Variants in MRC2 observed in about 807,000 individuals in gnomAD.
MRC2 encodes mannose receptor C-type 2.
Under a neutral mutation model 206.2 loss-of-function variants are expected in MRC2, and 84 were observed. The ratio of observed to expected loss-of-function variants is 0.41; its 90% CI spans 0.34 to 0.49. MRC2 has a LOEUF of 0.49. Ranked by LOEUF, MRC2 falls within the 20% of genes least tolerant of loss-of-function variation. MRC2 has a pLI of 0.31. For synonymous variants in MRC2, 798 were observed against 800.0 expected (o/e 1.00, Z 0.04); for missense variants, 1,676 against 2,001.5 (o/e 0.84, Z 3.10).
rs1458672493 is a variant in MRC2, at chr17:62,688,901, G to T, written c.3275G>T (p.Arg1092Leu). The change falls in exon 23 of 30, where the codon CGC becomes CTC. Residue 1092 changes from arginine (R) to leucine (L), a missense_variant. Arg to Leu is a moderately radical substitution (Grantham distance 102). Coordinates refer to ENST00000303375, the MANE Select transcript of MRC2 (RefSeq NM_006039.5). The part of the protein sequence containing the change: ...LHSPSAHFTG[R>L]WDDRSCTEET... ...AGCCCCTCAGCCCACTTCACTGGCC[G>T]CTGGGACGATCGGAGCTGCACGGAG... 1 of 1,613,688 alleles carries T rather than the reference G, an allele frequency of 6.2e-7. No individual in the cohort carries two copies. Among genetic ancestry groups the T allele is most frequent in the Non-Finnish European group, 8.5e-7 (1 of 1,179,998 alleles).
intron 20 of MRC2, 111 bp downstream of exon 20, chr17:62,682,488 TGCC>T: frequency 7.8e-7 from 1 of 1,283,342 alleles, no homozygotes; most frequent in Non-Finnish European, 1.0e-6. Flanking sequence ...CATGGCCTCT[TGCC>T]TGTACCCACC....
chr17:62,627,810 C>G lies in MRC2; in HGVS notation c.8C>G (p.Pro3Arg). The change falls in exon 1 of 30, where the codon CCC (proline) becomes CGC (arginine). Residue 3 changes from proline (P) to arginine (R), a missense_variant. Around this residue, in one of 3 missense-constraint regions of MRC2, gnomAD observed 318 missense variants for 346.7 expected, o/e 0.92. Transcript: ENST00000303375. ...TGAGCGCCGCGCTCGGGGATGGGGC[C>G]CGGCCGGCCGGCCCCCGCGCCCTGG... MG[P>R]GRPAPAPWPR... The G allele has an allele frequency of 6.9e-7, 1 of 1,439,360 alleles. No individual in the cohort carries two copies. The allele number at this position is 1,439,360 out of a possible 1,614,324, so 89.2% of individuals were successfully genotyped here.
At position 62,674,166 on chromosome 17, in the gene MRC2, G is replaced by T. The variant is rs201943939; in HGVS notation, c.1565G>T (p.Arg522Leu). Reference sequence around the variant, plus strand: ...GCCGCCGAGGAGGACCATGGCTGCCGGAAGGTGAGGGTGTTTCTGGAGCTG... The same window carrying T: ...GCCGCCGAGGAGGACCATGGCTGCCTGAAGGTGAGGGTGTTTCTGGAGCTG... Reference protein sequence around the residue: ...QGAAEEDHGCRKGWTWHSPSC... With the variant: ...QGAAEEDHGCLKGWTWHSPSC... Residue 522 changes from arginine to leucine, a missense_variant, in exon 9 of 30, where the codon CGG becomes CTG. By Grantham distance (102) the Arg-to-Leu change is moderately radical (BLOSUM62 -2). Coordinates refer to ENST00000303375, the MANE Select transcript of MRC2 (RefSeq NM_006039.5). The T allele has an allele frequency of 1.3e-6, 2 of 1,546,988 alleles. No homozygotes were observed. Among genetic ancestry groups the T allele is most frequent in the East Asian group, 4.9e-5 (2 of 40,448 alleles).
intron 20 of MRC2, among the ~76,000 whole-genome samples, chr17:62,685,447 A>G (rs937014967): frequency 6.6e-6 from 1 of 152,150 alleles, no homozygotes; most frequent in African/African-American, 2.4e-5. Context: ...CACTTTTTAA[A>G]CAGAATGTAT....
chr17:62,680,988 C>T lies in MRC2; in HGVS notation c.2634+28C>T, dbSNP rs749584143. On this transcript the variant is annotated intron_variant, in intron 17 of 29. Coordinates refer to ENST00000303375, the MANE Select transcript of MRC2 (RefSeq NM_006039.5). The surrounding 1 kb of genome is among the most constrained non-coding windows in gnomAD (Gnocchi z 4.8). ...GGGCATTGGATTGAGCAGGGGGCTG[C>T]AGGCTGGGGGAGGGCAGGCCCGGGA... 6.2e-7 allele frequency: 1 copy of T among 1,611,724 alleles called. No homozygotes were observed. Among genetic ancestry groups the T allele is most frequent in the South Asian group, 1.1e-5 (1 of 90,984 alleles).
chr17:62,673,800 G>A (rs889170838), intron 8 of MRC2, among the ~76,000 whole-genome samples: 15 of 152,054 alleles, frequency 9.9e-5, no homozygotes, highest in Non-Finnish European at 1.6e-4. Context: ...ATGAGCCACC[G>A]CGCCGGGCCA....
intron 1 of MRC2, among the ~76,000 whole-genome samples, chr17:62,631,520 T>C (rs576947705): frequency 1.3e-5 from 2 of 152,168 alleles, no homozygotes; most frequent in Admixed American, 6.5e-5. Flanking sequence ...AGTGTGTGTG[T>C]GTTAGGAAAG....
In MRC2 at chr17:62,674,192, C is replaced by T. The variant is rs1046686496; in HGVS notation, c.1569+22C>T. ...GAAGGTGAGGGTGTTTCTGGAGCTG[C>T]CCTGAGTGGGGCCACCTGTCAGAGG... On this transcript the variant is annotated intron_variant, in intron 9 of 29. Transcript: ENST00000303375. 3.3e-6 allele frequency: 5 copies of T among 1,523,928 alleles called. No individual in the cohort carries two copies. In the Admixed American group the frequency reaches 1.0e-4, roughly 31 times the overall value. 94.4% of individuals were successfully genotyped at this position (1,523,928 alleles called of 1,614,324 possible).
rs528763500 is a variant in MRC2 at position 62,640,091 on chromosome 17, G to A, written c.118+12171G>A. 1.6e-3 allele frequency among the ~76,000 whole-genome samples: 219 copies of A among 133,262 alleles called. 1 individual carries two copies. The highest frequency in any genetic ancestry group is 5.8e-3 in the African/African-American group (203 of 34,810). 87.4% of individuals were successfully genotyped at this position (133,262 alleles called of 152,430 possible). ...TCTTCATGTTGGTCAGGCTGGTCTC[G>A]AACTCCTGACCTCAGGTGATCTGCC... is the stretch of plus-strand genomic sequence containing the variant. On this transcript the variant is annotated intron_variant, in intron 1 of 29. Coordinates refer to ENST00000303375, the MANE Select transcript of MRC2 (RefSeq NM_006039.5).
chr17:62,644,588 G>T (rs1285019825), intron 1 of MRC2, among the ~76,000 whole-genome samples: 1 of 152,112 alleles, frequency 6.6e-6, no homozygotes, highest in Non-Finnish European at 1.5e-5. Context: ...CCATGGAGTG[G>T]CAGCGGGCAT....
rs142797663 is a variant in MRC2, at chr17:62,678,536, G to A, written c.2085G>A (p.Lys695=). The change falls in exon 13 of 30, where the codon AAG becomes AAA. Residue 695 remains lysine (K), a synonymous_variant. Transcript: ENST00000303375. ...GCTCAGAGCGGCTGCAGGACAAGAA[G>A]AGCTGGGTCCAGGCCCAGGGGGCCT... The part of the protein sequence containing the change: ...VFSSERLQDK[K]SWVQAQGACQ... 5.6e-6 allele frequency: 9 copies of A among 1,612,314 alleles called. No individual in the cohort carries two copies. The highest frequency in any genetic ancestry group is 3.3e-4 in the Middle Eastern group (2 of 6,070).
At chr17:62,657,599 C>G (rs375720805) in intron 1 of MRC2, among the ~76,000 whole-genome samples, 1 of 149,658 alleles carries the variant, frequency 6.7e-6, no homozygotes, top group East Asian at 2.0e-4. Context: ...GCTCCCTGCA[C>G]TGACACCTGA....
At chr17:62,642,209 G>T (rs941266485) in intron 1 of MRC2, among the ~76,000 whole-genome samples, 1 of 152,060 alleles carries the variant, frequency 6.6e-6, no homozygotes, top group African/African-American at 2.4e-5. Flanking sequence ...TGGCCTTGTT[G>T]TCTTTTATCG....
In MRC2 at chr17:62,652,876, G is replaced by A. The variant is rs1483875250; in HGVS notation, c.119-11672G>A. Among the ~76,000 whole-genome samples, 2 of 151,062 alleles carry A rather than the reference G, an allele frequency of 1.3e-5. No individual in the cohort carries two copies. Among genetic ancestry groups the A allele is most frequent in the African/African-American group, 4.9e-5 (2 of 41,062 alleles). On this transcript the variant is annotated intron_variant, in intron 1 of 29. Transcript: ENST00000303375. The surrounding 1 kb of genome is among the most constrained non-coding windows in gnomAD (Gnocchi z 4.6). ...GAGGGCGAACGGTGGCTTGGGGAGG[G>A]GCGCTCCTTGGAGTTGGGGGCGCAC...
intron 20 of MRC2, among the ~76,000 whole-genome samples, chr17:62,685,730 T>A (rs1403022694): frequency 6.6e-6 from 1 of 152,082 alleles, no homozygotes; most frequent in African/African-American, 2.4e-5. Flanking sequence ...TTTGTAGAAA[T>A]GGGGTTTTGC....
At chr17:62,640,818 G>A (rs1378985544) in intron 1 of MRC2, among the ~76,000 whole-genome samples, 1 of 151,694 alleles carries the variant, frequency 6.6e-6, no homozygotes, top group Non-Finnish European at 1.5e-5. Context: ...CTGAGTAGCT[G>A]GGACTACAGG....
chr17:62,638,138 C>CGCCTCCCA (rs2088349664), intron 1 of MRC2, among the ~76,000 whole-genome samples: 1 of 152,164 alleles, frequency 6.6e-6, no homozygotes. Flanking sequence ...GTTGGGATTA[C>CGCCTCCCA]AGGCGTGAGC....
At chr17:62,690,564 G>A in intron 26 of MRC2, 78 bp from the exon 27 acceptor site, 1 of 1,514,500 alleles carries the variant, frequency 6.6e-7, no homozygotes, top group Non-Finnish European at 8.8e-7. Context: ...CTGCAGAGAA[G>A]AGGGCTGGAG....
chr17:62,639,687 C>A (rs987865184), intron 1 of MRC2, among the ~76,000 whole-genome samples: 1 of 152,144 alleles, frequency 6.6e-6, no homozygotes, highest in African/African-American at 2.4e-5. Context: ...TGCAGTGGCA[C>A]AATCATAGTT....
Sources: gnomAD v4.1 joint callset for allele counts (sites outside exome capture counted in the v4.1 genomes callset) on GRCh38, gnomAD v4.1.1 for gene constraint, gnomAD v4.1.1 regional missense constraint, Gnocchi (gnomAD v3.1) non-coding constraint, MANE v1.5 for transcripts, NCBI Gene and HGNC (gene_info 2026-07-23, HGNC 2026-07-21) for gene names.